The following CUL7 variants were observed in gnomAD, a reference collection of about 807,000 sequenced individuals.
The protein encoded by CUL7 is cullin 7.
CUL7 carries 96 observed loss-of-function variants against 177.7 expected under a neutral mutation model. That is an observed-to-expected ratio of 0.54 (90% confidence interval 0.46 to 0.64). The LOEUF is 0.64. Ranked by LOEUF, CUL7 falls within the 30% of genes least tolerant of loss-of-function variation. CUL7 has a pLI of 0.00. For synonymous variants in CUL7, 824 were observed against 890.2 expected, an observed-to-expected ratio of 0.93 and a Z score of 1.32; for missense variants, 1,893 against 2,187.9, an observed-to-expected ratio of 0.87 and a Z score of 2.69.
rs1314328277 is a variant in CUL7, at chr6:43,038,941, C to A, written c.4341G>T (p.Gln1447His). The A allele has an allele frequency of 2.5e-6, 4 of 1,613,308 alleles. No homozygotes were observed. In the African/African-American group the frequency reaches 4.0e-5, roughly 16 times the overall value. Residue 1447 changes from glutamine to histidine, a missense_variant, in exon 23 of 26, where the codon CAG (glutamine) becomes CAT (histidine). This residue lies in a region of CUL7 where 973 missense variants were observed against 1,140.9 expected (regional missense o/e 0.85). Coordinates refer to ENST00000265348, the MANE Select transcript of CUL7 (RefSeq NM_014780.5). Reference protein sequence around the residue: ...ALERGSQRRLQWTWLGWAELQ... With the variant: ...ALERGSQRRLHWTWLGWAELQ... ...GCTCAGCCCAGCCCAGCCACGTCCA[C>A]TGCAGTCGCCTCTGTGAGCCTCGCT... is the stretch of plus-strand genomic sequence containing the variant.
chr6:43,039,808 C>T (rs908702968), intron 22 of CUL7, among the ~76,000 whole-genome samples: 2 of 140,398 alleles, frequency 1.4e-5, no homozygotes, highest in East Asian at 2.1e-4. Context: ...GGCACGATCT[C>T]GGCTCACTGC....
In CUL7 at chr6:43,052,081, C is replaced by CT; in HGVS notation, c.580+127dup. 6.6e-7 allele frequency: 1 copy of CT among 1,515,048 alleles called. No homozygotes were observed. The highest frequency in any genetic ancestry group is 1.2e-5 in the South Asian group (1 of 81,580). The allele number at this position is 1,515,048 out of a possible 1,614,324, so 93.9% of individuals were successfully genotyped here. The stretch of plus-strand genomic sequence containing the variant: ...ATGCCCACCTCCTTTTCTTCCAACT[C>CT]TAAGAGAAGGGCAACAGAATCATTT... On this transcript the variant is annotated intron_variant, in intron 2 of 25. Coordinates refer to ENST00000265348, the MANE Select transcript of CUL7 (RefSeq NM_014780.5). This position sits in a 1 kb window ranked among gnomAD's most constrained non-coding sequence, Gnocchi z 4.5.
At position 43,046,675 on chromosome 6, in the gene CUL7, A is replaced by C. The variant is rs747808886; in HGVS notation, c.2398-74T>G. On this transcript the variant is annotated intron_variant, in intron 10 of 25. Transcript: ENST00000265348. ...GGAGACACACACGGAAACACGGATG[A>C]AGGAGAGACCATGCAGCAGTGGGAC... The C allele has an allele frequency of 1.1e-5, 18 of 1,594,002 alleles. No homozygotes were observed. The South Asian group carries it at 2.0e-4, about 18-fold the overall frequency.
At position 43,042,869 on chromosome 6, in the gene CUL7, A is replaced by G. The variant is rs1763570043; in HGVS notation, c.3578T>C (p.Phe1193Ser). 6.2e-7 allele frequency: 1 copy of G among 1,613,902 alleles called. No individual in the cohort carries two copies. The highest frequency in any genetic ancestry group is 1.1e-5 in the South Asian group (1 of 91,056). The change falls in exon 19 of 26, where the codon TTC (phenylalanine) becomes TCC (serine). Residue 1193 changes from phenylalanine (F) to serine (S), a missense_variant. Physicochemically the swap from Phe to Ser is radical, Grantham distance 155. Transcript: ENST00000265348. ...ACAGCCATTTTGCAGCGCCAGCAAG[A>G]AGGCTGCCCGAGGCCCAAACAGTTC... ...SSELFGPRAA[F>S]LLALQNGCAG... is the part of the protein sequence containing the mutation.
Position 43,052,233 on chromosome 6 carries a change from G to GT in CUL7, c.555dup (p.Gln186ThrfsTer7). ...CCAGCGTCATGGGAGGACAGGGCTT[G>GT]TATCATCCGGCCTGCACTCCAGCGA... On this transcript the variant is annotated frameshift_variant, in exon 2 of 26. Coordinates refer to ENST00000265348, the MANE Select transcript of CUL7 (RefSeq NM_014780.5). LOFTEE classifies it high-confidence loss of function. The surrounding 1 kb of genome is among the most constrained non-coding windows in gnomAD (Gnocchi z 4.5). 1 of 1,614,180 alleles carries GT rather than the reference G, an allele frequency of 6.2e-7. No homozygotes were observed. Among genetic ancestry groups the GT allele is most frequent in the South Asian group, 1.1e-5 (1 of 91,080 alleles).
Position 43,040,035 on chromosome 6 carries a change from A to T in CUL7, c.4294+121T>A. ...GATTACAGGCGTGAGCACTGTGCCC[A>T]GCCAAAGACTATCTCTTTTTACATC... On this transcript the variant is annotated intron_variant, in intron 22 of 25. Coordinates refer to ENST00000265348, the MANE Select transcript of CUL7 (RefSeq NM_014780.5). The surrounding 1 kb of genome is among the most constrained non-coding windows in gnomAD (Gnocchi z 4.2). The T allele has an allele frequency of 8.0e-7, 1 of 1,250,722 alleles. No homozygotes were observed. Among genetic ancestry groups the T allele is most frequent in the Non-Finnish European group, 1.2e-6 (1 of 855,000 alleles). The allele number at this position is 1,250,722 out of a possible 1,614,324, so 77.5% of individuals were successfully genotyped here. A position where few individuals can be genotyped will look rare whatever the true frequency, so the allele number is the denominator to read the frequency against.
In CUL7 at chr6:43,047,123, A is replaced by AGGGAGGAGATGAATGAAGAC; in HGVS notation, c.2170-36_2170-17dup. 6.7e-7 allele frequency: 1 copy of AGGGAGGAGATGAATGAAGAC among 1,490,324 alleles called. No homozygotes were observed. Among genetic ancestry groups the AGGGAGGAGATGAATGAAGAC allele is most frequent in the East Asian group, 2.3e-5 (1 of 44,320 alleles). 92.3% of individuals were successfully genotyped at this position (1,490,324 alleles called of 1,614,324 possible). ...CCTGGAGCACCTGGGTGGGGACATA[A>AGGGAGGAGATGAATGAAGAC]GGGAGGAGATGAATGAAGACAGGGC... On this transcript the variant is annotated splice_polypyrimidine_tract_variant and intron_variant, in intron 9 of 25. Coordinates refer to ENST00000265348, the MANE Select transcript of CUL7 (RefSeq NM_014780.5).
chr6:43,052,824 A>C lies in CUL7; in HGVS notation c.-8-28T>G. ...GGAGCACACAAGGAAAAGAGAACAG[A>C]CAAGCTAGAGGAAGGAGAGGTCAGA... On this transcript the variant is annotated intron_variant, in intron 1 of 25. Coordinates refer to ENST00000265348, the MANE Select transcript of CUL7 (RefSeq NM_014780.5). The surrounding 1 kb of genome is among the most constrained non-coding windows in gnomAD (Gnocchi z 4.5). 3.1e-6 allele frequency: 5 copies of C among 1,594,758 alleles called. No individual in the cohort carries two copies. In the South Asian group the frequency reaches 5.5e-5, roughly 18 times the overall value.
chr6:43,046,168 CA>C, intron 12 of CUL7, 67 bp downstream of exon 12: 4 of 1,613,360 alleles, frequency 2.5e-6, no homozygotes, highest in Non-Finnish European at 3.4e-6. Context: ...GTGCTTCCCC[CA>C]AAACAAACAC....
chr6:43,046,732 A>C (rs1230323336), intron 10 of CUL7, 131 bp from the exon 11 acceptor site: 1 of 1,423,234 alleles, frequency 7.0e-7, no homozygotes, highest in East Asian at 2.4e-5. Flanking sequence ...GCAGGCCCAG[A>C]TGGGGCAGAG....
At position 43,040,304 on chromosome 6, in the gene CUL7, A is replaced by C. The variant is rs760451045; in HGVS notation, c.4146T>G (p.Tyr1382Ter). ...CAGACACTTCTGGCATTGCCCCTTC[A>C]TAGTAGAGGTCCTCATTCTCCTCCT... Reference protein sequence around the residue: ...EEEEENEDLYYEGAMPEVSVL... With the variant: ...EEEEENEDLY Residue 1382 changes from tyrosine (Y) to a stop codon, truncating the protein, a stop_gained, in exon 22 of 26, where the codon TAT (tyrosine) becomes TAG (stop). Transcript: ENST00000265348. LOFTEE classifies it high-confidence loss of function. This position sits in a 1 kb window ranked among gnomAD's most constrained non-coding sequence, Gnocchi z 4.2. 6.2e-7 allele frequency: 1 copy of C among 1,614,044 alleles called. No homozygotes were observed. The highest frequency in any genetic ancestry group is 8.5e-7 in the Non-Finnish European group (1 of 1,180,008).
At position 43,043,179 on chromosome 6, in the gene CUL7, T is replaced by C; in HGVS notation, c.3357A>G (p.Lys1119=). 1 of 1,612,800 alleles carries C rather than the reference T, an allele frequency of 6.2e-7. No individual in the cohort carries two copies. The highest frequency in any genetic ancestry group is 1.1e-5 in the South Asian group (1 of 91,026). ...PPPVVATPRP[K]GRNRSHDWSS... ...TCCAGTCGTGGCTTCTGTTTCTGCCTTCTGTAGAGACCAAGAAAGTGGCAG... is the reference window on the plus strand; with the variant it reads ...TCCAGTCGTGGCTTCTGTTTCTGCCCTCTGTAGAGACCAAGAAAGTGGCAG... The change falls in exon 18 of 26, where the codon AAA becomes AAG. Residue 1119 remains lysine, a splice_region_variant and synonymous_variant. Coordinates refer to ENST00000265348, the MANE Select transcript of CUL7 (RefSeq NM_014780.5). The surrounding 1 kb of genome is among the most constrained non-coding windows in gnomAD (Gnocchi z 4.2).
At chr6:43,041,384 T>C (rs1249269684) in intron 19 of CUL7, among the ~76,000 whole-genome samples, 1 of 152,098 alleles carries the variant, frequency 6.6e-6, no homozygotes, top group Non-Finnish European at 1.5e-5. Flanking sequence ...GACAGGCAGA[T>C]GGCTTGAACC....
At chr6:43,048,035 C>T in intron 9 of CUL7, 113 bp downstream of exon 9, 1 of 672,194 alleles carries the variant, frequency 1.5e-6, no homozygotes, top group Admixed American at 2.6e-5. Flanking sequence ...AAACTCAAAC[C>T]AAGAGCTCAA....
chr6:43,042,345 C>G (rs202110415), intron 19 of CUL7, among the ~76,000 whole-genome samples: 1 of 151,258 alleles, frequency 6.6e-6, no homozygotes, highest in African/African-American at 2.4e-5. Flanking sequence ...TTGTTTTTTT[C>G]TTTTTTTTGA....
In CUL7 at chr6:43,050,818, C is replaced by A; in HGVS notation, c.1233+150G>T. 9.9e-7 allele frequency: 1 copy of A among 1,009,542 alleles called. No homozygotes were observed. The highest frequency in any genetic ancestry group is 2.5e-5 in the East Asian group (1 of 39,604). 62.5% of individuals were successfully genotyped at this position (1,009,542 alleles called of 1,614,324 possible). A position where few individuals can be genotyped will look rare whatever the true frequency, so the allele number is the denominator to read the frequency against. On this transcript the variant is annotated intron_variant, in intron 4 of 25. Transcript: ENST00000265348. The surrounding 1 kb of genome is among the most constrained non-coding windows in gnomAD (Gnocchi z 4.1). Reference sequence around the variant, plus strand: ...ATTTTCCCAGCTCTCAGAATGGCCCCCCTCTCAACTACTGACTCTTTTCAC... The same window carrying A: ...ATTTTCCCAGCTCTCAGAATGGCCCACCTCTCAACTACTGACTCTTTTCAC...
chr6:43,038,511 A>G, intron 24 of CUL7, 39 bp from the exon 25 acceptor site: 1 of 1,613,742 alleles, frequency 6.2e-7, no homozygotes, highest in South Asian at 1.1e-5. Context: ...TGGAGAGCCC[A>G]CGAGGAGCCT....
Position 43,047,076 on chromosome 6 carries a change from C to T in CUL7, c.2201G>A (p.Arg734His), listed in dbSNP as rs201968688. The change falls in exon 10 of 26, where the codon CGC becomes CAC. Residue 734 changes from arginine (R) to histidine (H), a missense_variant. Physicochemically the swap from Arg to His is conservative, Grantham distance 29. Coordinates refer to ENST00000265348, the MANE Select transcript of CUL7 (RefSeq NM_014780.5). ...ATAGTCCCTGCTCACTGAGGTCAGG[C>T]GGTGCAGGAAGAAAATCAGTTCCTG... Reference protein sequence around the residue: ...VLQELIFFLHRLTSVSRDYAV... With the variant: ...VLQELIFFLHHLTSVSRDYAV... 85 of 1,612,342 alleles carry T rather than the reference C, an allele frequency of 5.3e-5. 2 individuals are homozygous for T. In the South Asian group the frequency reaches 5.5e-4, roughly 10 times the overall value.
At chr6:43,038,035 A>G in intron 25 of CUL7, 24 bp from the exon 26 acceptor site, 2 of 1,580,188 alleles carry the variant, frequency 1.3e-6, no homozygotes, top group Non-Finnish European at 1.7e-6. Context: ...GGAAGGGAGA[A>G]GCGGTAGTTT....
Sources: gnomAD v4.1 joint callset for allele counts (sites outside exome capture counted in the v4.1 genomes callset) on GRCh38, gnomAD v4.1.1 for gene constraint, gnomAD v4.1.1 regional missense constraint, Gnocchi (gnomAD v3.1) non-coding constraint, MANE v1.5 for transcripts, NCBI Gene and HGNC (gene_info 2026-07-23, HGNC 2026-07-21) for gene names.